SETX: variants seen among roughly 807,000 people sequenced by gnomAD.
SETX encodes senataxin.
A neutral mutation model predicts 227.2 loss-of-function variants in SETX; 90 were observed. The ratio of observed to expected loss-of-function variants is 0.40; its 90% confidence interval spans 0.33 to 0.47. The LOEUF (loss-of-function observed/expected upper bound fraction) is 0.47. SETX is among the 20% of genes least tolerant of loss of function. The pLI, the probability that SETX is intolerant of heterozygous loss-of-function variation, is 0.91. For synonymous variants in SETX, 1,210 were observed against 1,113.2 expected (o/e 1.09, Z -1.73); for missense variants, 3,052 against 3,181.5 (o/e 0.96, Z 0.98).
rs745307149 is a variant in SETX, at chr9:132,329,997, G to C, written c.1601C>G (p.Ala534Gly). Residue 534 changes from alanine (A) to glycine (G), a missense_variant, in exon 10 of 26, where the codon GCT becomes GGT. This residue lies in a region of SETX where 179 missense variants were observed against 197.1 expected (regional missense o/e 0.91). Coordinates refer to ENST00000224140, the MANE Select transcript of SETX (RefSeq NM_015046.7). ...HSMPSNSVQL[A>G]YVQLIRSLLK... Reference sequence around the variant, plus strand: ...GAGACTTCTAATCAGCTGCACATAAGCAAGTTGTACAGAGTTAGATGGCAT... The same window carrying C: ...GAGACTTCTAATCAGCTGCACATAACCAAGTTGTACAGAGTTAGATGGCAT... 3 of 1,613,976 alleles carry C rather than the reference G, an allele frequency of 1.9e-6. No individual in the cohort carries two copies. Among genetic ancestry groups the C allele is most frequent in the Non-Finnish European group, 2.5e-6 (3 of 1,179,932 alleles).
At position 132,326,274 on chromosome 9, in the gene SETX, G is replaced by C. The variant is rs368331418; in HGVS notation, c.5274+50C>G. 7 of 1,361,142 alleles carry C rather than the reference G, an allele frequency of 5.1e-6. No individual in the cohort carries two copies. The African/African-American group carries it at 8.7e-5, about 17-fold the overall frequency. 84.3% of individuals were successfully genotyped at this position (1,361,142 alleles called of 1,614,324 possible). Reference sequence around the variant, plus strand: ...TCTCATTTTCACTCAGCAAGGTAAAGAGGTAACTTGAAAAGTTTGGAGAGG... The same window carrying C: ...TCTCATTTTCACTCAGCAAGGTAAACAGGTAACTTGAAAAGTTTGGAGAGG... On this transcript the variant is annotated intron_variant, in intron 10 of 25. Transcript: ENST00000224140.
chr9:132,316,951 C>A (rs10901161), intron 10 of SETX, among the ~76,000 whole-genome samples: 78 of 152,118 alleles, frequency 5.1e-4, no homozygotes, highest in Non-Finnish European at 1.0e-3. Flanking sequence ...ATAAAATAAG[C>A]CTATCAATCA....
chr9:132,335,372 CAG>C lies in SETX; in HGVS notation c.719-647_719-646del. ...CGCGACTGCACTCCAGCCTGGGCGA[CAG>C]AGCAAGACTCCGTCTCAAAAAAAAA... On this transcript the variant is annotated intron_variant, in intron 6 of 25. Transcript: ENST00000224140. Among the ~76,000 whole-genome samples the C allele has an allele frequency of 2.1e-5, 2 of 94,326 alleles. 1 individual carries two copies. Among genetic ancestry groups the C allele is most frequent in the African/African-American group, 8.6e-5 (2 of 23,384 alleles). The allele number at this position is 94,326 out of a possible 152,430, so 61.9% of individuals were successfully genotyped here. A position where few individuals can be genotyped will look rare whatever the true frequency, so the allele number is the denominator to read the frequency against.
intron 11 of SETX, among the ~76,000 whole-genome samples, chr9:132,306,268 A>G (rs1845328923): frequency 6.6e-6 from 1 of 152,192 alleles, no homozygotes; most frequent in South Asian, 2.1e-4. Flanking sequence ...GATGGAGTGC[A>G]ATGGCGCAAT....
intron 11 of SETX, among the ~76,000 whole-genome samples, chr9:132,301,392 T>C (rs1844987860): frequency 6.6e-6 from 1 of 152,132 alleles, no homozygotes; most frequent in African/African-American, 2.4e-5. Flanking sequence ...TGGCCTATTC[T>C]GGTTTTTAAC....
At chr9:132,349,626 G>A (rs1206525576) in intron 2 of SETX, among the ~76,000 whole-genome samples, 191 bp from the exon 3 acceptor site, 3 of 151,982 alleles carry the variant, frequency 2.0e-5, no homozygotes, top group African/African-American at 4.8e-5. Context: ...TTTGACATAC[G>A]AAAAATACAG....
At chr9:132,285,174 G>T (rs1564488102) in intron 18 of SETX, among the ~76,000 whole-genome samples, 1 of 152,020 alleles carries the variant, frequency 6.6e-6, no homozygotes, top group Non-Finnish European at 1.5e-5. Flanking sequence ...ACCGCGCCTG[G>T]CCAAAGCTAT....
chr9:132,319,460 C>A (rs756619425), intron 10 of SETX, among the ~76,000 whole-genome samples: 4 of 152,178 alleles, frequency 2.6e-5, no homozygotes, highest in African/African-American at 9.7e-5. Flanking sequence ...CAGCTTACAG[C>A]GCTGTATCTG....
intron 7 of SETX, 66 bp downstream of exon 7, chr9:132,334,542 A>G (rs1251826936): frequency 1.3e-6 from 2 of 1,552,646 alleles, no homozygotes; most frequent in African/African-American, 2.7e-5. Flanking sequence ...CTGCAGTGAC[A>G]CTATCATTTT....
chr9:132,325,557 TCAA>T (rs1172225543), intron 10 of SETX, among the ~76,000 whole-genome samples: 1 of 152,190 alleles, frequency 6.6e-6, no homozygotes, highest in Non-Finnish European at 1.5e-5. Context: ...TACCCGTGCG[TCAA>T]TAAACATTTC....
intron 5 of SETX, among the ~76,000 whole-genome samples, chr9:132,341,227 A>AAT (rs1205825582): frequency 6.6e-6 from 1 of 152,044 alleles, no homozygotes; most frequent in African/African-American, 2.4e-5. Flanking sequence ...CAAAAAATAA[A>AAT]ATATAATAAT....
In SETX at chr9:132,264,303, G is replaced by C; in HGVS notation, c.7970C>G (p.Ser2657Cys). Residue 2657 changes from serine to cysteine, a missense_variant, in exon 26 of 26, where the codon TCT becomes TGT. Coordinates refer to ENST00000224140, the MANE Select transcript of SETX (RefSeq NM_015046.7). ...CTCCAGTGTCCTCTTGTCCCACCTAGAGTTCCTCCTGGTGTGATGGGTCTC... is the reference window on the plus strand; with the variant it reads ...CTCCAGTGTCCTCTTGTCCCACCTACAGTTCCTCCTGGTGTGATGGGTCTC... ...GSETHHTRRN[S>C]RWDKRTLEQE... is the part of the protein sequence containing the mutation. The C allele has an allele frequency of 6.2e-7, 1 of 1,614,114 alleles. No individual in the cohort carries two copies. The highest frequency in any genetic ancestry group is 8.5e-7 in the Non-Finnish European group (1 of 1,180,022).
At chr9:132,335,221 T>G (rs1847529423) in intron 6 of SETX, among the ~76,000 whole-genome samples, 1 of 151,460 alleles carries the variant, frequency 6.6e-6, no homozygotes, top group Admixed American at 6.6e-5. Context: ...AAACCCCGTC[T>G]CTACTAAAAA....
chr9:132,275,232 G>C, intron 23 of SETX, 24 bp downstream of exon 23: 1 of 1,610,372 alleles, frequency 6.2e-7, no homozygotes, highest in Non-Finnish European at 8.5e-7. Flanking sequence ...AAGAAAATTG[G>C]AAATATTTAT....
intron 25 of SETX, among the ~76,000 whole-genome samples, chr9:132,268,629 AG>A (rs1842757479): frequency 6.6e-6 from 1 of 152,244 alleles, no homozygotes; most frequent in Admixed American, 6.5e-5. Context: ...ACAATTTCAA[AG>A]AGAGGAAAAA....
intron 15 of SETX, among the ~76,000 whole-genome samples, chr9:132,295,418 G>A (rs914848229): frequency 6.6e-6 from 1 of 152,122 alleles, no homozygotes; most frequent in Non-Finnish European, 1.5e-5. Flanking sequence ...AATGCTCTGG[G>A]AACCTCAAGA....
At chr9:132,310,719 G>A (rs966926797) in intron 11 of SETX, among the ~76,000 whole-genome samples, 1 of 152,190 alleles carries the variant, frequency 6.6e-6, no homozygotes, top group African/African-American at 2.4e-5. Flanking sequence ...TGAGTTTGAA[G>A]TGCACAGGTC....
intron 18 of SETX, among the ~76,000 whole-genome samples, chr9:132,286,137 C>G (rs369784584): frequency 6.8e-5 from 10 of 147,904 alleles, no homozygotes; most frequent in African/African-American, 2.5e-4. Flanking sequence ...GAGCCAAGAT[C>G]ACGCCACTAT....
chr9:132,297,577 T>C (rs910409706), intron 13 of SETX, among the ~76,000 whole-genome samples: 2 of 152,240 alleles, frequency 1.3e-5, no homozygotes, highest in African/African-American at 2.4e-5. Context: ...TCATTAAATC[T>C]AGGATTCCTT....
Sources: allele counts gnomAD v4.1 joint callset (sites outside exome capture counted in the v4.1 genomes callset), GRCh38; gene constraint gnomAD v4.1.1; regional missense constraint gnomAD v4.1.1; transcripts MANE v1.5; gene names NCBI Gene and HGNC (gene_info 2026-07-23, HGNC 2026-07-21).